Variants in ZNF695 observed in about 807,000 individuals in gnomAD.
ZNF695 encodes the protein zinc finger protein 695.
ZNF695 carries 11 observed loss-of-function variants against 11.2 expected under a neutral mutation model. The ratio of observed to expected loss-of-function variants is 0.98; its 90% CI spans 0.62 to 1.62. The LOEUF is 1.62. ZNF695 is among the 40% of genes most tolerant of loss of function. The pLI, the probability that ZNF695 is intolerant of heterozygous loss-of-function variation, is 0.00. For missense variants in ZNF695, 559 were observed against 590.5 expected (o/e 0.95, Z 0.55); for synonymous variants, 190 against 201.4 (o/e 0.94, Z 0.48).
At chr1:246,964,552 T>C (rs1668240419) in intron 5 of ZNF695, among the ~76,000 whole-genome samples, 1 of 152,252 alleles carries the variant, frequency 6.6e-6, no homozygotes, top group South Asian at 2.1e-4. Context: ...GTTTGAATGT[T>C]TGTCTCTTCA....
chr1:247,005,069 GA>G (rs1669494502), intron 1 of ZNF695, among the ~76,000 whole-genome samples: 1 of 152,104 alleles, frequency 6.6e-6, no homozygotes, highest in African/African-American at 2.4e-5. Flanking sequence ...ATTCTTCAGA[GA>G]AATAGAAAAA....
intron 1 of ZNF695, among the ~76,000 whole-genome samples, chr1:247,006,013 C>T (rs1427208812): frequency 2.0e-5 from 3 of 151,790 alleles, no homozygotes; most frequent in Non-Finnish European, 4.4e-5. Context: ...ATCACAAGGT[C>T]AGGAGATCGA....
At chr1:246,959,584 A>C (rs1429828626) in intron 5 of ZNF695, among the ~76,000 whole-genome samples, 1 of 148,470 alleles carries the variant, frequency 6.7e-6, no homozygotes, top group Non-Finnish European at 1.5e-5. Flanking sequence ...GCGCCACCAT[A>C]CCCGGCTAAT....
chr1:246,999,724 C>T (rs190342793), intron 2 of ZNF695, among the ~76,000 whole-genome samples, 188 bp downstream of exon 2: 1 of 152,124 alleles, frequency 6.6e-6, no homozygotes, highest in Non-Finnish European at 1.5e-5. Context: ...AGAATTACCA[C>T]CAATCTAGAG....
chr1:246,973,981 T>C lies in ZNF695; in HGVS notation c.391-6189A>G, dbSNP rs1032548187. On this transcript the variant is annotated intron_variant, in intron 4 of 5. Transcript: ENST00000487338. ...CCCTCCCAGGTTGCCTGTCAGTGGT[T>C]TCCTTCTTCCTGGAGATAATCAAGA... Among the ~76,000 whole-genome samples, 7 of 152,312 alleles carry C rather than the reference T, an allele frequency of 4.6e-5. 1 individual carries two copies. Among genetic ancestry groups the C allele is most frequent in the African/African-American group, 1.7e-4 (7 of 41,560 alleles).
At chr1:246,984,235 T>TATTG (rs1293056318), downstream of ZNF695, among the ~76,000 whole-genome samples, 1 of 119,904 alleles carries the variant, frequency 8.3e-6, no homozygotes, top group East Asian at 2.5e-4. Context: ...TAAGATGACA[T>TATTG]ATTGTGTGGA....
In ZNF695 at chr1:246,987,509, AC is replaced by A. The variant is rs540324680; in HGVS notation, c.1005del (p.Leu335PhefsTer33). ...CTTCTATGTTGAGTAAGGTATGACA[AC>A]AATTTAAAGACTTTGCCACATTCTT... The part of the protein sequence containing the change: ...KCEECGKVFK[L>X]LSYLTQHRRI... On this transcript the variant is annotated frameshift_variant, in exon 4 of 4. Coordinates refer to ENST00000339986, the MANE Select transcript of ZNF695 (RefSeq NM_020394.5). LOFTEE classifies it low-confidence loss of function (END_TRUNC). The A allele has an allele frequency of 8.6e-4, 1,375 of 1,606,676 alleles. 1 individual carries two copies. Among genetic ancestry groups the A allele is most frequent in the Non-Finnish European group, 1.1e-3 (1,253 of 1,176,970 alleles).
chr1:246,970,010 G>A (rs766535765), intron 4 of ZNF695, among the ~76,000 whole-genome samples: 11 of 152,194 alleles, frequency 7.2e-5, no homozygotes. Context: ...CACAGGCCTT[G>A]TAAAGTTAGA....
rs769728026 is a variant in ZNF695 at position 246,987,155 on chromosome 1, G to A, written c.1360C>T (p.His454Tyr). ...AFNWFSYLTN[H>Y]KRIHTGEKPY... Reference sequence around the variant, plus strand: ...TTCTCTCCAGTATGAATTCTCTTATGATTAGTAAGATATGAAAACCAGTTA... The same window carrying A: ...TTCTCTCCAGTATGAATTCTCTTATAATTAGTAAGATATGAAAACCAGTTA... Residue 454 changes from histidine to tyrosine, a missense_variant, in exon 4 of 4, where the codon CAT (histidine) becomes TAT (tyrosine). Physicochemically the swap from His to Tyr is moderately conservative, Grantham distance 83 (BLOSUM62 2). Transcript: ENST00000339986. The A allele has an allele frequency of 4.3e-6, 7 of 1,613,886 alleles. No homozygotes were observed. Among genetic ancestry groups the A allele is most frequent in the Non-Finnish European group, 5.9e-6 (7 of 1,179,964 alleles).
chr1:246,998,977 A>AATATATATAT (rs6143721), intron 3 of ZNF695, among the ~76,000 whole-genome samples: 106 of 144,292 alleles, frequency 7.3e-4, no homozygotes, highest in South Asian at 1.5e-3. Flanking sequence ...CAAGAAAACA[A>AATATATATAT]ATATATATAT....
At chr1:246,977,281 C>CA (rs1345455763) in intron 4 of ZNF695, among the ~76,000 whole-genome samples, 5 of 152,156 alleles carry the variant, frequency 3.3e-5, no homozygotes, top group Non-Finnish European at 1.5e-5. Context: ...GTTTTTGAGA[C>CA]AGAGTCGGTC....
downstream of ZNF695, among the ~76,000 whole-genome samples, chr1:246,984,152 C>CAA (rs11321674): frequency 0.48 from 43,727 of 91,292 alleles, 12,082 homozygotes; most frequent in East Asian, 0.93. Flanking sequence ...ACCATGTCTC[C>CAA]AAAAAAAAAA....
chr1:246,948,755 A>C (rs1667799931), intron 5 of ZNF695, among the ~76,000 whole-genome samples: 1 of 152,182 alleles, frequency 6.6e-6, no homozygotes, highest in South Asian at 2.1e-4. Flanking sequence ...CAAGTTTATA[A>C]CCAGCAACAG....
chr1:246,970,315 A>G (rs1198412185), intron 4 of ZNF695, among the ~76,000 whole-genome samples: 2 of 151,354 alleles, frequency 1.3e-5, no homozygotes, highest in Non-Finnish European at 3.0e-5. Context: ...GTGATCTCGG[A>G]GAGGAGGGAA....
chr1:246,963,388 C>G lies in ZNF695; in HGVS notation c.488+4307G>C, dbSNP rs139100382. Among the ~76,000 whole-genome samples the G allele has an allele frequency of 1.7e-3, 257 of 152,144 alleles. 3 individuals carry two copies. The highest frequency in any genetic ancestry group is 5.9e-3 in the African/African-American group (247 of 41,516). ...ATCACTTGAGGCTAGGAACTGGAGA[C>G]CAGCCTAGGTAACAGAGTGAAACTC... On this transcript the variant is annotated intron_variant, in intron 5 of 5. Transcript: ENST00000487338.
intron 3 of ZNF695, among the ~76,000 whole-genome samples, chr1:246,998,690 G>A (rs1007023790): frequency 7.2e-5 from 11 of 152,160 alleles, no homozygotes; most frequent in Middle Eastern, 3.2e-3. Context: ...ATTTTAGGCC[G>A]GGCGCGGTGG....
At chr1:246,967,325 G>C in intron 5 of ZNF695, 1 of 456,128 alleles carries the variant, frequency 2.2e-6, no homozygotes, top group Non-Finnish European at 4.4e-6. Context: ...GGCAAGGACA[G>C]CTGTTAGAAG....
intron 5 of ZNF695, among the ~76,000 whole-genome samples, chr1:246,956,617 A>G (rs1193639561): frequency 6.6e-6 from 1 of 152,208 alleles, no homozygotes; most frequent in African/African-American, 2.4e-5. Context: ...CTCTGCCTCC[A>G]AAAATAAAAA....
chr1:246,964,469 C>T (rs887931662), intron 5 of ZNF695, among the ~76,000 whole-genome samples: 2 of 152,222 alleles, frequency 1.3e-5, no homozygotes, highest in East Asian at 1.9e-4. Context: ...ATTCTCCTAA[C>T]GCCCCTATTA....
Sources: allele counts gnomAD v4.1 joint callset (sites outside exome capture counted in the v4.1 genomes callset), GRCh38; gene constraint gnomAD v4.1.1; transcripts MANE v1.5; gene names NCBI Gene and HGNC (gene_info 2026-07-23, HGNC 2026-07-21).